The following STK3 variants were observed in gnomAD, a reference collection of about 807,000 sequenced individuals.
STK3 encodes serine/threonine kinase 3.
A neutral mutation model predicts 58.0 loss-of-function variants in STK3; 41 were observed. That is an observed-to-expected ratio of 0.71 (90% CI 0.55 to 0.92). The LOEUF is 0.92. Ranked by LOEUF, STK3 falls within the 40% of genes least tolerant of loss-of-function variation. STK3 has a pLI of 0.00. For synonymous variants in STK3, 170 were observed against 191.0 expected (o/e 0.89, Z 0.91); for missense variants, 479 against 602.7 (o/e 0.79, Z 2.15).
chr8:98,716,876 A>C (rs2131157479), intron 4 of STK3, among the ~76,000 whole-genome samples: 1 of 152,268 alleles, frequency 6.6e-6, no homozygotes, highest in African/African-American at 2.4e-5. Flanking sequence ...TTGTATATAT[A>C]ATCAAATTAT....
At chr8:98,923,852 TGTGCGCGCGCGCGC>T (rs1437599012) in intron 1 of STK3, among the ~76,000 whole-genome samples, 26 of 128,360 alleles carry the variant, frequency 2.0e-4, no homozygotes, top group Middle Eastern at 8.2e-3. Flanking sequence ...TGTGTGTGTG[TGTGCGCGCGCGCGC>T]GCGCGCGCGC....
intron 1 of STK3, among the ~76,000 whole-genome samples, chr8:98,942,014 C>T (rs935134573): frequency 6.6e-6 from 1 of 152,240 alleles, no homozygotes; most frequent in Non-Finnish European, 1.5e-5. Flanking sequence ...TCTCCGCACA[C>T]CCGAAACCCA....
intron 9 of STK3, among the ~76,000 whole-genome samples, chr8:98,539,316 G>A (rs958039624): frequency 2.6e-5 from 4 of 152,156 alleles, no homozygotes; most frequent in African/African-American, 7.2e-5. Context: ...TATGAGAACC[G>A]AGAGAAAGAT....
At chr8:98,723,903 T>C (rs1181271153) in intron 4 of STK3, among the ~76,000 whole-genome samples, 1 of 152,074 alleles carries the variant, frequency 6.6e-6, no homozygotes, top group East Asian at 1.9e-4. Flanking sequence ...ATTCCTCGAG[T>C]CAGGATTAAT....
intron 1 of STK3, chr8:98,782,292 A>G (rs937279910): frequency 2.8e-5 from 5 of 177,262 alleles, no homozygotes; most frequent in African/African-American, 1.2e-4. Context: ...AAAAGGGTAC[A>G]GCCAATACTC....
intron 8 of STK3, among the ~76,000 whole-genome samples, chr8:98,570,078 A>G: frequency 6.8e-6 from 1 of 147,830 alleles, no homozygotes; most frequent in East Asian, 1.9e-4. Context: ...TATATTGTAA[A>G]AATATAAATA....
chr8:98,594,402 C>A (rs1452534315), intron 7 of STK3, among the ~76,000 whole-genome samples: 1 of 151,924 alleles, frequency 6.6e-6, no homozygotes, highest in Non-Finnish European at 1.5e-5. Context: ...GAGTTTGATA[C>A]CAGCCTGATC....
In STK3 at chr8:98,749,388, G is replaced by A; in HGVS notation, c.239C>T (p.Pro80Leu). ...ACTGCCATAGTACTTTACAACATATGGGCTAAAGGAAAATACATAAACAAT... is the reference window on the plus strand; with the variant it reads ...ACTGCCATAGTACTTTACAACATATAGGCTAAAGGAAAATACATAAACAAT... ...EISIMQQCDS[P>L]YVVKYYGSYF... The change falls in exon 4 of 11, where the codon CCA (proline) becomes CTA (leucine). Residue 80 changes from proline (P) to leucine (L), a missense_variant and splice_region_variant. Pro to Leu is a moderately conservative substitution (Grantham distance 98). This residue lies in a region of STK3 where 126 missense variants were observed against 210.1 expected (regional missense o/e 0.60). Coordinates refer to ENST00000419617, the MANE Select transcript of STK3 (RefSeq NM_006281.4). The A allele has an allele frequency of 6.7e-7, 1 of 1,503,506 alleles. No individual in the cohort carries two copies. The highest frequency in any genetic ancestry group is 9.0e-7 in the Non-Finnish European group (1 of 1,111,884). The allele number at this position is 1,503,506 out of a possible 1,614,324, so 93.1% of individuals were successfully genotyped here.
At chr8:98,457,319 C>G (rs1290297839) in intron 10 of STK3, among the ~76,000 whole-genome samples, 1 of 152,184 alleles carries the variant, frequency 6.6e-6, no homozygotes, top group Non-Finnish European at 1.5e-5. Flanking sequence ...ATAAGACAAA[C>G]AGGGAAACTC....
chr8:98,631,660 G>GC (rs1819251459), intron 6 of STK3, among the ~76,000 whole-genome samples: 1 of 151,584 alleles, frequency 6.6e-6, no homozygotes, highest in Admixed American at 6.6e-5. Flanking sequence ...TATAGTTTTC[G>GC]TTTTTTTGTG....
intron 3 of STK3, among the ~76,000 whole-genome samples, chr8:98,411,834 G>A (rs1818060744): frequency 6.6e-6 from 1 of 152,188 alleles, no homozygotes; most frequent in Non-Finnish European, 1.5e-5. Flanking sequence ...GTGGGACCAA[G>A]GGAGCTTCTC....
chr8:98,773,177 T>C (rs955420037), intron 2 of STK3, among the ~76,000 whole-genome samples: 1 of 152,114 alleles, frequency 6.6e-6, no homozygotes, highest in South Asian at 2.1e-4. Flanking sequence ...TCTATGTCCT[T>C]TCTCTTTTTT....
At chr8:98,366,831 C>T (rs371184542), downstream of STK3, among the ~76,000 whole-genome samples, 42 of 152,326 alleles carry the variant, frequency 2.8e-4, no homozygotes, top group East Asian at 7.7e-3. Context: ...TCTACTAGAC[C>T]TATCTTTCCA....
chr8:98,841,525 A>G (rs1835980844), intron 3 of STK3, among the ~76,000 whole-genome samples: 1 of 151,914 alleles, frequency 6.6e-6, no homozygotes. Flanking sequence ...AACTCTAAAA[A>G]AAGAAAAAAA....
intron 6 of STK3, among the ~76,000 whole-genome samples, chr8:98,645,037 A>G (rs1334949706): frequency 6.6e-6 from 1 of 152,200 alleles, no homozygotes; most frequent in Non-Finnish European, 1.5e-5. Context: ...CCAACATTTA[A>G]ACATGCAGCC....
At chr8:98,771,033 T>TA (rs769944841) in intron 2 of STK3, among the ~76,000 whole-genome samples, 46 of 152,190 alleles carry the variant, frequency 3.0e-4, no homozygotes, top group Non-Finnish European at 5.3e-4. Flanking sequence ...ACACACAACA[T>TA]AAAATTCACT....
At chr8:98,491,797 C>A (rs1822722974) in intron 10 of STK3, among the ~76,000 whole-genome samples, 1 of 152,158 alleles carries the variant, frequency 6.6e-6, no homozygotes, top group Non-Finnish European at 1.5e-5. Flanking sequence ...ATAAAGCCTT[C>A]TTTTCTATAC....
At chr8:98,518,642 G>A (rs1292453910) in intron 10 of STK3, among the ~76,000 whole-genome samples, 3 of 152,020 alleles carry the variant, frequency 2.0e-5, no homozygotes, top group African/African-American at 7.2e-5. Flanking sequence ...CTCAGCAGAC[G>A]GATGGTCAAA....
intron 1 of STK3, among the ~76,000 whole-genome samples, chr8:98,822,361 A>T (rs914906093): frequency 2.6e-5 from 4 of 151,950 alleles, no homozygotes; most frequent in African/African-American, 9.7e-5. Flanking sequence ...TCCAGGATAG[A>T]GTGCAGTGGC....
Sources: allele counts gnomAD v4.1 joint callset (sites outside exome capture counted in the v4.1 genomes callset), GRCh38; gene constraint gnomAD v4.1.1; regional missense constraint gnomAD v4.1.1; transcripts MANE v1.5; gene names NCBI Gene and HGNC (gene_info 2026-07-23, HGNC 2026-07-21).